OTC: variants seen among roughly 807,000 people sequenced by gnomAD.
OTC encodes the protein ornithine transcarbamylase.
A neutral mutation model predicts 30.3 loss-of-function variants in OTC; 3 were observed. That is an observed-to-expected ratio of 0.10 (90% confidence interval 0.05 to 0.26). The LOEUF (loss-of-function observed/expected upper bound fraction) is 0.26. Ranked by LOEUF, OTC falls within the 10% of genes least tolerant of loss-of-function variation. The probability of loss-of-function intolerance (pLI) is 1.00; values close to 1 mark genes in which losing one functional copy is unlikely to be tolerated. For missense variants in OTC, 194 were observed against 260.3 expected (o/e 0.75, Z 1.75); for synonymous variants, 111 against 99.7 (o/e 1.11, Z -0.67).
In OTC at chrX:38,391,734, G is replaced by A. The variant is rs769284208; in HGVS notation, c.387-9541G>A. Among the ~76,000 whole-genome samples, 282 of 111,163 alleles carry A rather than the reference G, an allele frequency of 2.5e-3. 1 individual carries two copies. The highest frequency in any genetic ancestry group is 8.4e-3 in the African/African-American group (256 of 30,608). On this transcript the variant is annotated intron_variant, in intron 4 of 9. Coordinates refer to ENST00000039007, the MANE Select transcript of OTC (RefSeq NM_000531.6). Reference sequence around the variant, plus strand: ...TCTTCGATAACTCTCTTGCTTTGTGGTGTGACAAGATGTTCCAGGCTCATC... The same window carrying A: ...TCTTCGATAACTCTCTTGCTTTGTGATGTGACAAGATGTTCCAGGCTCATC...
chrX:38,351,555 A>G (rs184058544), upstream of OTC, among the ~76,000 whole-genome samples: 2 of 111,427 alleles, frequency 1.8e-5, no homozygotes, highest in African/African-American at 6.5e-5. Context: ...CTGAAACTTC[A>G]GTGCAGCTCG....
At chrX:38,340,614 G>A in the OTC span, among the ~76,000 whole-genome samples, 23 of 108,813 alleles carry the variant, frequency 2.1e-4, no homozygotes, top group African/African-American at 7.3e-4. Context: ...TTTTTTGGTA[G>A]AATAATAACA....
At chrX:38,341,826 T>A in the OTC span, among the ~76,000 whole-genome samples, 1 of 110,464 alleles carries the variant, frequency 9.1e-6, no homozygotes, top group Non-Finnish European at 1.9e-5. Flanking sequence ...GCTTTCACAT[T>A]ATTTAGGCAA....
the OTC span, among the ~76,000 whole-genome samples, chrX:38,338,586 CT>C: frequency 5.3e-5 from 6 of 112,153 alleles, no homozygotes; most frequent in African/African-American, 2.0e-4. Context: ...TGCCCCCTTC[CT>C]TTTTTTGTTT....
At chrX:38,380,573 C>T (rs1426752921) in intron 3 of OTC, among the ~76,000 whole-genome samples, 3 of 110,381 alleles carry the variant, frequency 2.7e-5, no homozygotes, top group Non-Finnish European at 5.7e-5. Context: ...ACAGGGAAGA[C>T]TGTGTCAAAA....
At chrX:38,363,470 T>C (rs1434448794) in intron 1 of OTC, among the ~76,000 whole-genome samples, 1 of 111,832 alleles carries the variant, frequency 8.9e-6, no homozygotes, top group Non-Finnish European at 1.9e-5. Context: ...AGGCCACATA[T>C]GCAAATCTGT....
At chrX:38,337,415 A>T in the OTC span, among the ~76,000 whole-genome samples, 1 of 112,099 alleles carries the variant, frequency 8.9e-6, no homozygotes, top group Non-Finnish European at 1.9e-5. Context: ...CACTCTCTGA[A>T]AAGTCCATCT....
chrX:38,410,584 T>C (rs1185640810), intron 8 of OTC, among the ~76,000 whole-genome samples: 1 of 112,244 alleles, frequency 8.9e-6, no homozygotes, highest in East Asian at 2.8e-4. Flanking sequence ...CTATTACATT[T>C]TTTGCCCATT....
chrX:38,367,853 G>T (rs1172139640), intron 2 of OTC, among the ~76,000 whole-genome samples: 5 of 109,851 alleles, frequency 4.6e-5, no homozygotes, highest in African/African-American at 1.7e-4. Context: ...AAGTAGCTGG[G>T]ATTACAGGTG....
At chrX:38,377,603 C>T (rs1331395686) in intron 3 of OTC, among the ~76,000 whole-genome samples, 1 of 112,154 alleles carries the variant, frequency 8.9e-6, no homozygotes, top group Non-Finnish European at 1.9e-5. Context: ...CCACCTTGTT[C>T]CAGCCTATCA....
intron 4 of OTC, among the ~76,000 whole-genome samples, chrX:38,382,256 A>AT (rs2068380502): frequency 8.9e-6 from 1 of 112,203 alleles, no homozygotes; most frequent in Non-Finnish European, 1.9e-5. Context: ...CCACTATATT[A>AT]TAATGAAACT....
At chrX:38,386,460 G>GC (rs1389976965) in intron 4 of OTC, among the ~76,000 whole-genome samples, 1 of 107,173 alleles carries the variant, frequency 9.3e-6, no homozygotes, top group Non-Finnish European at 1.9e-5. Context: ...AATGCTCATT[G>GC]CCCCCCACCT....
intron 4 of OTC, among the ~76,000 whole-genome samples, chrX:38,400,701 T>G (rs934409107): frequency 4.5e-5 from 5 of 112,214 alleles, no homozygotes; most frequent in African/African-American, 1.6e-4. Context: ...CCCCACTGTG[T>G]TCTGTCATCA....
At chrX:38,386,664 T>C (rs1333188885) in intron 4 of OTC, among the ~76,000 whole-genome samples, 2 of 112,031 alleles carry the variant, frequency 1.8e-5, no homozygotes, top group African/African-American at 6.5e-5. Context: ...TGATATTTCA[T>C]TGTGAATATG....
intron 9 of OTC, among the ~76,000 whole-genome samples, chrX:38,415,448 T>C (rs1320139961): frequency 9.0e-6 from 1 of 111,623 alleles, no homozygotes; most frequent in Admixed American, 9.6e-5. Flanking sequence ...GATACATTTT[T>C]CTAAGATGTT....
At chrX:38,416,962 C>T in intron 9 of OTC, among the ~76,000 whole-genome samples, 2 of 112,196 alleles carry the variant, frequency 1.8e-5, no homozygotes, top group Middle Eastern at 9.2e-3. Flanking sequence ...TAAACTAGTT[C>T]CTTCTTGTCA....
intron 4 of OTC, among the ~76,000 whole-genome samples, chrX:38,390,669 G>T (rs1490872641): frequency 8.9e-6 from 1 of 111,807 alleles, no homozygotes; most frequent in Non-Finnish European, 1.9e-5. Context: ...TTTGCCTTTG[G>T]CTTTTGAGAC....
the OTC span, among the ~76,000 whole-genome samples, chrX:38,340,473 G>GTTTTT: frequency 1.1e-4 from 6 of 56,126 alleles, no homozygotes; most frequent in African/African-American, 1.3e-4. Context: ...TTTTTTTTTT[G>GTTTTT]TTTTTTTTTT....
chrX:38,328,365 A>G, the OTC span, among the ~76,000 whole-genome samples: 3 of 112,518 alleles, frequency 2.7e-5, no homozygotes, highest in Non-Finnish European at 5.6e-5. Context: ...ACATTAAACT[A>G]TTAGTTACAC....
Sources: gnomAD v4.1 joint callset for allele counts (sites outside exome capture counted in the v4.1 genomes callset) on GRCh38, gnomAD v4.1.1 for gene constraint, MANE v1.5 for transcripts, NCBI Gene and HGNC (gene_info 2026-07-23, HGNC 2026-07-21) for gene names.